The following VPS53 variants were observed in gnomAD, a reference collection of about 807,000 sequenced individuals.
The protein encoded by VPS53 is vacuolar protein sorting-associated protein 53 homolog.
A neutral mutation model predicts 107.0 loss-of-function variants in VPS53; 70 were observed. That is an observed-to-expected ratio of 0.65 (90% CI 0.54 to 0.80). VPS53 has a LOEUF of 0.80. VPS53 is among the 30% of genes least tolerant of loss of function. VPS53 has a pLI of 0.00. For missense variants in VPS53, 917 were observed against 1,049.4 expected (o/e 0.87, Z 1.74); for synonymous variants, 409 against 393.3 (o/e 1.04, Z -0.47).
intron 4 of VPS53, chr17:675,632 G>T (rs1446462048): frequency 1.3e-5 from 2 of 151,926 alleles, no homozygotes; most frequent in Non-Finnish European, 2.9e-5. Flanking sequence ...AAATTAGCCG[G>T]GTGTGGTGGC....
chr17:560,105 G>A (rs1225468296), intron 15 of VPS53, among the ~76,000 whole-genome samples: 1 of 152,234 alleles, frequency 6.6e-6, no homozygotes, highest in Non-Finnish European at 1.5e-5. Flanking sequence ...GCACAGACAA[G>A]CTTGTTACTG....
Position 592,588 on chromosome 17 carries a change from G to A in VPS53, c.1219-6224C>T, listed in dbSNP as rs548815025. Among the ~76,000 whole-genome samples, 3 of 152,196 alleles carry A rather than the reference G, an allele frequency of 2.0e-5. No individual in the cohort carries two copies. The East Asian group carries it at 5.8e-4, about 29-fold the overall frequency. On this transcript the variant is annotated intron_variant, in intron 12 of 21. Transcript: ENST00000437048. ...GGAGCTCTTTTAGGGCAGGTCTGGTGGTGACAAAATCTCTCAGCAGTTGCC... is the reference window on the plus strand; with the variant it reads ...GGAGCTCTTTTAGGGCAGGTCTGGTAGTGACAAAATCTCTCAGCAGTTGCC...
intron 7 of VPS53, among the ~76,000 whole-genome samples, chr17:642,093 T>C (rs1418875837): frequency 6.6e-6 from 1 of 152,224 alleles, no homozygotes; most frequent in Non-Finnish European, 1.5e-5. Context: ...TTTGTTACCT[T>C]GTGAGTGACA....
rs376621956 is a variant in VPS53 at position 710,060 on chromosome 17, G to A, written c.168+473C>T. Among the ~76,000 whole-genome samples the A allele has an allele frequency of 1.8e-4, 28 of 152,184 alleles. 1 individual carries two copies. The East Asian group carries it at 2.1e-3, about 12-fold the overall frequency. ...CTCAGGAGGCTGAGGCAGAAGAATC[G>A]CCTGAACCCAGGAGGCAGACGTTGC... On this transcript the variant is annotated intron_variant, in intron 2 of 21. Coordinates refer to ENST00000437048, the MANE Select transcript of VPS53 (RefSeq NM_001128159.3).
At chr17:649,081 G>A (rs368315382) in intron 7 of VPS53, among the ~76,000 whole-genome samples, 3 of 50,888 alleles carry the variant, frequency 5.9e-5, no homozygotes, top group East Asian at 7.7e-4. Context: ...GAGGACAGAG[G>A]AATGGAACAG....
In VPS53 at chr17:519,353, G is replaced by A. The variant is rs372386828; in HGVS notation, c.2329-55C>T. 3.5e-4 allele frequency: 494 copies of A among 1,426,668 alleles called. 2 individuals are homozygous for A. The African/African-American group carries it at 5.5e-3, about 16-fold the overall frequency. The allele number at this position is 1,426,668 out of a possible 1,614,324, so 88.4% of individuals were successfully genotyped here. On this transcript the variant is annotated intron_variant, in intron 21 of 21. Coordinates refer to ENST00000437048, the MANE Select transcript of VPS53 (RefSeq NM_001128159.3). The surrounding 1 kb of genome is among the most constrained non-coding windows in gnomAD (Gnocchi z 5.0). The stretch of plus-strand genomic sequence containing the variant: ...CGAAGTCTGGGCCAGAATGGCCCAC[G>A]GGGGACAGCGCAGTATCTGGATATG...
At chr17:670,491 A>G (rs1342147826) in intron 4 of VPS53, among the ~76,000 whole-genome samples, 1 of 152,214 alleles carries the variant, frequency 6.6e-6, no homozygotes, top group African/African-American at 2.4e-5. Context: ...CGTGTGGAAG[A>G]TAAGGAGTAT....
chr17:565,068 G>A (rs899140356), intron 13 of VPS53, among the ~76,000 whole-genome samples: 4 of 152,186 alleles, frequency 2.6e-5, no homozygotes, highest in Admixed American at 2.6e-4. Flanking sequence ...AGCAGGAATA[G>A]GAGAAAATTG....
intron 12 of VPS53, among the ~76,000 whole-genome samples, chr17:588,126 G>A (rs1456179062): frequency 1.3e-5 from 2 of 152,136 alleles, no homozygotes; most frequent in Non-Finnish European, 2.9e-5. Flanking sequence ...GACCAGCATG[G>A]CCAATATGGT....
chr17:671,358 G>A (rs1448544794), intron 4 of VPS53, among the ~76,000 whole-genome samples: 3 of 138,440 alleles, frequency 2.2e-5, no homozygotes, highest in African/African-American at 7.8e-5. Flanking sequence ...AAGAAAGAAA[G>A]AAAAGAAAGA....
chr17:670,373 A>G (rs1224843266), intron 4 of VPS53, among the ~76,000 whole-genome samples: 1 of 152,168 alleles, frequency 6.6e-6, no homozygotes, highest in Non-Finnish European at 1.5e-5. Flanking sequence ...AGCAAAACCA[A>G]TTCCAGCATC....
chr17:653,673 G>C (rs1390514226), intron 6 of VPS53, among the ~76,000 whole-genome samples: 1 of 152,230 alleles, frequency 6.6e-6, no homozygotes, highest in Admixed American at 6.5e-5. Flanking sequence ...GTTCTAAACA[G>C]AAGTACAAAT....
chr17:662,456 A>C (rs11656028), intron 4 of VPS53, among the ~76,000 whole-genome samples: 2 of 152,064 alleles, frequency 1.3e-5, no homozygotes, highest in Non-Finnish European at 2.9e-5. Flanking sequence ...TTGGGAGGCC[A>C]AGGCGGGCAG....
chr17:630,215 C>G (rs1252362001), intron 8 of VPS53, among the ~76,000 whole-genome samples: 9 of 151,958 alleles, frequency 5.9e-5, no homozygotes, highest in Admixed American at 5.9e-4. Context: ...TCACTTGAAC[C>G]CAGGGGGCGG....
At chr17:586,807 T>C (rs900292737) in intron 12 of VPS53, among the ~76,000 whole-genome samples, 6 of 152,234 alleles carry the variant, frequency 3.9e-5, no homozygotes, top group Admixed American at 6.5e-5. Flanking sequence ...TGACTACTAC[T>C]ATTTTACACC....
At chr17:625,131 G>T (rs774705767) in intron 10 of VPS53, among the ~76,000 whole-genome samples, 21 of 151,890 alleles carry the variant, frequency 1.4e-4, no homozygotes, top group Non-Finnish European at 2.8e-4. Flanking sequence ...TGGGATTACA[G>T]GTGCTTGCCA....
intron 4 of VPS53, among the ~76,000 whole-genome samples, chr17:671,060 G>A (rs1971917863): frequency 6.6e-6 from 1 of 152,080 alleles, no homozygotes; most frequent in Non-Finnish European, 1.5e-5. Flanking sequence ...GTGAAACCCC[G>A]TCTCTTCTAA....
intron 19 of VPS53, among the ~76,000 whole-genome samples, chr17:528,819 G>A (rs1328050305): frequency 6.6e-6 from 1 of 151,850 alleles, no homozygotes; most frequent in Non-Finnish European, 1.5e-5. Flanking sequence ...GGCTGGTCTC[G>A]AACTCCTGAC....
Position 518,135 on chromosome 17 carries a change from TTAAC to T in VPS53, c.*989_*992del, listed in dbSNP as rs1908437858. 2 of 152,198 alleles carry T rather than the reference TTAAC, an allele frequency of 1.3e-5. No homozygotes were observed. The highest frequency in any genetic ancestry group is 2.9e-5 in the Non-Finnish European group (2 of 68,036). 9.4% of individuals were successfully genotyped at this position (152,198 alleles called of 1,614,324 possible). A position where few individuals can be genotyped will look rare whatever the true frequency, so the allele number is the denominator to read the frequency against. On this transcript the variant is annotated 3_prime_UTR_variant, in exon 22 of 22. Coordinates refer to ENST00000437048, the MANE Select transcript of VPS53 (RefSeq NM_001128159.3). ...GGTTTGCCTGTAGCTGTGGTCATGG[TTAAC>T]TGAGGCCTGGTTTCAAGGGAACCGA...
Sources: allele counts gnomAD v4.1 joint callset (sites outside exome capture counted in the v4.1 genomes callset), GRCh38; gene constraint gnomAD v4.1.1; non-coding constraint Gnocchi (gnomAD v3.1); transcripts MANE v1.5; gene names NCBI Gene and HGNC (gene_info 2026-07-23, HGNC 2026-07-21).